The following AOPEP variants were observed in gnomAD, a reference collection of about 807,000 sequenced individuals.
AOPEP encodes aminopeptidase O (putative), also known as aminopeptidase O.
AOPEP carries 77 observed loss-of-function variants against 98.1 expected under a neutral mutation model. The ratio of observed to expected loss-of-function variants is 0.78; its 90% CI spans 0.65 to 0.95. The LOEUF is 0.95. Ranked by LOEUF, AOPEP falls within the 40% of genes least tolerant of loss-of-function variation. The pLI, the probability that AOPEP is intolerant of heterozygous loss-of-function variation, is 0.00. For synonymous variants in AOPEP, 346 were observed against 365.3 expected, an observed-to-expected ratio of 0.95 and a Z score of 0.60; for missense variants, 1,024 against 1,024.7, an observed-to-expected ratio of 1.00 and a Z score of 0.01.
intron 7 of AOPEP, among the ~76,000 whole-genome samples, chr9:94,948,717 A>G (rs1181727764): frequency 6.6e-6 from 1 of 152,192 alleles, no homozygotes; most frequent in Admixed American, 6.5e-5. Flanking sequence ...AGCAGTTCCC[A>G]CATAGCAGGG....
the AOPEP span, among the ~76,000 whole-genome samples, chr9:95,103,882 G>T: frequency 6.6e-6 from 1 of 152,238 alleles, no homozygotes. Flanking sequence ...ATCTCCAAGA[G>T]GGTGCAAGGG....
rs555932023 is a variant in AOPEP at position 94,927,960 on chromosome 9, T to A, written c.1555-465T>A. ...TGAGTCCAGGCAGCACTTCTAGTTATGTGCACACAGAATCATCTGGGTTGC... is the reference window on the plus strand; with the variant it reads ...TGAGTCCAGGCAGCACTTCTAGTTAAGTGCACACAGAATCATCTGGGTTGC... On this transcript the variant is annotated intron_variant, in intron 6 of 16. Transcript: ENST00000375315. Among the ~76,000 whole-genome samples, 57 of 152,312 alleles carry A rather than the reference T, an allele frequency of 3.7e-4. 1 individual carries two copies. In the South Asian group the frequency reaches 0.012, roughly 32 times the overall value.
chr9:95,131,785 T>C, the AOPEP span, among the ~76,000 whole-genome samples: 2 of 152,158 alleles, frequency 1.3e-5, no homozygotes, highest in African/African-American at 4.8e-5. Context: ...ACCCAGGATG[T>C]AGAGTGAACT....
chr9:94,808,941 T>G (rs913149606), intron 5 of AOPEP, among the ~76,000 whole-genome samples: 1 of 152,254 alleles, frequency 6.6e-6, no homozygotes, highest in African/African-American at 2.4e-5. Context: ...TCTTTGGGAA[T>G]GAGCCAGCTG....
At chr9:95,127,499 G>C in the AOPEP span, 1 of 152,340 alleles carries the variant, frequency 6.6e-6, no homozygotes, top group Non-Finnish European at 1.5e-5. Flanking sequence ...AGTCAGGATG[G>C]GGCTCTGGTT....
At chr9:94,727,269 AGTTTT>A (rs1829419334) in intron 1 of AOPEP, among the ~76,000 whole-genome samples, 1 of 152,126 alleles carries the variant, frequency 6.6e-6, no homozygotes, top group Admixed American at 6.5e-5. Context: ...GTTAGTCTGG[AGTTTT>A]GTTCATGAAC....
intron 13 of AOPEP, among the ~76,000 whole-genome samples, chr9:95,006,901 A>ATT (rs559290637): frequency 1.6e-5 from 2 of 128,770 alleles, no homozygotes; most frequent in East Asian, 2.3e-4. Flanking sequence ...GTTGCTGTTA[A>ATT]TTTTTTTTTT....
chr9:94,908,217 T>G (rs2051456201), intron 5 of AOPEP, among the ~76,000 whole-genome samples: 1 of 152,132 alleles, frequency 6.6e-6, no homozygotes, highest in African/African-American at 2.4e-5. Flanking sequence ...TTGCGCAGAT[T>G]TTAAAAACAC....
At chr9:95,103,793 C>G in the AOPEP span, among the ~76,000 whole-genome samples, 124 of 152,316 alleles carry the variant, frequency 8.1e-4, no homozygotes, top group Admixed American at 2.3e-3. Context: ...GCAGAGGCCA[C>G]ACAGGAGGCA....
At chr9:94,996,215 G>T (rs2061218803) in intron 11 of AOPEP, among the ~76,000 whole-genome samples, 1 of 152,088 alleles carries the variant, frequency 6.6e-6, no homozygotes, top group East Asian at 1.9e-4. Context: ...CCTTCCCATT[G>T]TTTTCCTGGA....
chr9:94,889,266 C>G (rs1025160941), intron 5 of AOPEP, among the ~76,000 whole-genome samples: 3 of 151,710 alleles, frequency 2.0e-5, no homozygotes, highest in Admixed American at 6.6e-5. Context: ...AGTGCTATAT[C>G]TTTTTAAAAT....
At chr9:94,988,913 T>C (rs569048373) in intron 11 of AOPEP, among the ~76,000 whole-genome samples, 2 of 120,504 alleles carry the variant, frequency 1.7e-5, no homozygotes, top group East Asian at 2.5e-4. Context: ...TTTTCCTTTC[T>C]TTTTTTTTTT....
chr9:95,011,343 G>A (rs546878506), intron 13 of AOPEP, among the ~76,000 whole-genome samples: 1 of 151,588 alleles, frequency 6.6e-6, no homozygotes, highest in Admixed American at 6.6e-5. Flanking sequence ...CTACAGGCAC[G>A]TGCCACCACG....
chr9:95,111,582 C>T, the AOPEP span: 1 of 1,614,202 alleles, frequency 6.2e-7, no homozygotes, highest in Non-Finnish European at 8.5e-7. Flanking sequence ...ACCATCTCAG[C>T]CCATCCTCCG....
chr9:95,104,969 G>C, the AOPEP span, among the ~76,000 whole-genome samples: 1 of 152,114 alleles, frequency 6.6e-6, no homozygotes, highest in African/African-American at 2.4e-5. Flanking sequence ...GGCTTATTTC[G>C]CTCAGTGTAA....
chr9:94,904,611 G>T (rs1480059520), intron 5 of AOPEP: 1 of 152,014 alleles, frequency 6.6e-6, no homozygotes, highest in Non-Finnish European at 1.5e-5. Flanking sequence ...TGCTCTAATT[G>T]GTCTTATTGG....
the AOPEP span, chr9:95,117,236 G>T: frequency 8.2e-7 from 1 of 1,219,122 alleles, no homozygotes; most frequent in Non-Finnish European, 1.2e-6. Context: ...GTAGATAAGG[G>T]CCTGATGAGG....
chr9:95,043,519 A>T (rs1483007125), intron 13 of AOPEP, among the ~76,000 whole-genome samples: 1 of 152,192 alleles, frequency 6.6e-6, no homozygotes, highest in Non-Finnish European at 1.5e-5. Context: ...TGAATAATTG[A>T]GTTAATCGTT....
At chr9:94,788,200 A>G (rs375145684) in intron 3 of AOPEP, among the ~76,000 whole-genome samples, 1 of 151,966 alleles carries the variant, frequency 6.6e-6, no homozygotes, top group East Asian at 1.9e-4. Context: ...CCTCCCAAGT[A>G]CGTGGGATCA....
Sources: gnomAD v4.1 joint callset for allele counts (sites outside exome capture counted in the v4.1 genomes callset) on GRCh38, gnomAD v4.1.1 for gene constraint, MANE v1.5 for transcripts, NCBI Gene and HGNC (gene_info 2026-07-23, HGNC 2026-07-21) for gene names.